CNTNAP5: variants seen among roughly 807,000 people sequenced by gnomAD.
CNTNAP5 encodes the protein contactin associated protein family member 5, also known as contactin-associated protein-like 5.
Under a neutral mutation model 150.2 loss-of-function variants are expected in CNTNAP5, and 72 were observed. The observed-to-expected ratio is 0.48, with a 90% CI of 0.40 to 0.58. CNTNAP5 has a LOEUF of 0.58. Ranked by LOEUF, CNTNAP5 falls within the 20% of genes least tolerant of loss-of-function variation. The pLI is 0.00. For missense variants in CNTNAP5, 1,636 were observed against 1,626.2 expected (o/e 1.01, Z -0.10); for synonymous variants, 672 against 619.8 (o/e 1.08, Z -1.25).
intron 11 of CNTNAP5, among the ~76,000 whole-genome samples, chr2:124,590,083 C>T (rs957480446): frequency 1.3e-5 from 2 of 152,062 alleles, no homozygotes; most frequent in Admixed American, 1.3e-4. Context: ...TGTCTCCCTG[C>T]CATTCCACCT....
At chr2:124,371,775 A>G (rs1176397707) in intron 3 of CNTNAP5, among the ~76,000 whole-genome samples, 3 of 152,064 alleles carry the variant, frequency 2.0e-5, no homozygotes, top group African/African-American at 7.2e-5. Flanking sequence ...TGGGTAGGGA[A>G]GGAAGAGAAT....
chr2:124,285,878 G>A (rs1688138246), intron 3 of CNTNAP5, among the ~76,000 whole-genome samples: 1 of 152,100 alleles, frequency 6.6e-6, no homozygotes, highest in Admixed American at 6.6e-5. Context: ...TGTAAATCTT[G>A]TTGACACTGT....
intron 7 of CNTNAP5, among the ~76,000 whole-genome samples, chr2:124,488,089 A>G (rs563488522): frequency 6.6e-6 from 1 of 152,362 alleles, no homozygotes; most frequent in African/African-American, 2.4e-5. Flanking sequence ...TCATGAAAAA[A>G]TAATACTTAT....
chr2:124,370,375 G>A (rs1038651538), intron 3 of CNTNAP5, among the ~76,000 whole-genome samples: 3 of 152,028 alleles, frequency 2.0e-5, no homozygotes, highest in African/African-American at 7.2e-5. Context: ...AGGAAAAGCC[G>A]GTCATATACT....
chr2:124,633,935 CAGGG>C (rs1677919449), intron 12 of CNTNAP5, among the ~76,000 whole-genome samples: 1 of 152,116 alleles, frequency 6.6e-6, no homozygotes. Context: ...GGCTAAGATG[CAGGG>C]AGCAATGTCT....
At chr2:124,571,022 A>T (rs1473214438) in intron 11 of CNTNAP5, among the ~76,000 whole-genome samples, 1 of 152,240 alleles carries the variant, frequency 6.6e-6, no homozygotes, top group Admixed American at 6.5e-5. Flanking sequence ...AATGATAGCA[A>T]TCATTTCAAA....
chr2:124,084,469 T>C (rs896512104), intron 1 of CNTNAP5, among the ~76,000 whole-genome samples: 1 of 151,982 alleles, frequency 6.6e-6, no homozygotes, highest in Non-Finnish European at 1.5e-5. Flanking sequence ...GTTTGTTTCA[T>C]CATGTTGCCT....
At chr2:124,036,755 A>G (rs1022237963) in intron 1 of CNTNAP5, among the ~76,000 whole-genome samples, 3 of 152,148 alleles carry the variant, frequency 2.0e-5, no homozygotes, top group Admixed American at 2.0e-4. Flanking sequence ...TTTGTTACCA[A>G]CAGTCCTAAG....
chr2:124,254,417 G>A (rs892126134), intron 3 of CNTNAP5, among the ~76,000 whole-genome samples: 14 of 152,240 alleles, frequency 9.2e-5, no homozygotes, highest in African/African-American at 2.2e-4. Flanking sequence ...TCTCCCTTTC[G>A]TGGCTCCTGC....
In CNTNAP5 at chr2:124,025,329, C is replaced by A. The variant is rs1171469101; in HGVS notation, c.-322C>A. The A allele has an allele frequency of 9.3e-6, 3 of 320,936 alleles. No individual in the cohort carries two copies. The highest frequency in any genetic ancestry group is 3.9e-5 in the Admixed American group (1 of 25,340). The allele number at this position is 320,936 out of a possible 1,614,324, so 19.9% of individuals were successfully genotyped here. On this transcript the variant is annotated 5_prime_UTR_variant, in exon 1 of 24. Coordinates refer to ENST00000682447, the MANE Select transcript of CNTNAP5 (RefSeq NM_001367498.1). ...CCGACGAGGTGGATTTGGCTGTCCA[C>A]CGAGCTCCGGCGCCTGTCGTTCTAA...
intron 1 of CNTNAP5, among the ~76,000 whole-genome samples, chr2:124,212,993 C>G (rs1686057922): frequency 6.6e-6 from 1 of 151,896 alleles, no homozygotes; most frequent in African/African-American, 2.4e-5. Flanking sequence ...CGCCTGGCAC[C>G]ACGCCCGGCT....
chr2:124,071,056 A>G (rs768163066), intron 1 of CNTNAP5, among the ~76,000 whole-genome samples: 7 of 152,034 alleles, frequency 4.6e-5, no homozygotes, highest in Non-Finnish European at 1.0e-4. Context: ...AAACTATACA[A>G]ACACATGGAA....
chr2:124,350,161 C>T (rs1312869437), intron 3 of CNTNAP5, among the ~76,000 whole-genome samples: 1 of 151,894 alleles, frequency 6.6e-6, no homozygotes, highest in African/African-American at 2.4e-5. Flanking sequence ...GGATTACAGG[C>T]GTGAGCCACC....
chr2:124,737,440 C>A (rs1411291125), intron 13 of CNTNAP5, among the ~76,000 whole-genome samples: 1 of 152,042 alleles, frequency 6.6e-6, no homozygotes, highest in Non-Finnish European at 1.5e-5. Flanking sequence ...AGGCAGAGAG[C>A]AGCAAGCATC....
intron 11 of CNTNAP5, among the ~76,000 whole-genome samples, chr2:124,583,173 A>T (rs1426858407): frequency 6.6e-6 from 1 of 151,866 alleles, no homozygotes. Context: ...CACGACCTAC[A>T]CTCTTCCATT....
At position 124,919,812 on chromosome 2, in the gene CNTNAP5, T is replaced by C. The variant is rs1678838862; in HGVS notation, c.*5524T>C. On this transcript the variant is annotated 3_prime_UTR_variant, in exon 24 of 24. Coordinates refer to ENST00000682447, the MANE Select transcript of CNTNAP5 (RefSeq NM_001367498.1). ...TCAGAGTGCTTTAGAACTATTATTA[T>C]AATTATCTAACCTGCCCAGGTTAAG... 6.6e-6 allele frequency among the ~76,000 whole-genome samples: 1 copy of C among 152,062 alleles called. No homozygotes were observed.
chr2:124,502,176 C>G (rs1472657919), intron 7 of CNTNAP5, among the ~76,000 whole-genome samples: 2 of 152,216 alleles, frequency 1.3e-5, no homozygotes, highest in Admixed American at 1.3e-4. Flanking sequence ...AAAGCCCTTG[C>G]TCTGGAGAAC....
chr2:124,262,833 T>C (rs1425235655), intron 3 of CNTNAP5, among the ~76,000 whole-genome samples: 2 of 118,870 alleles, frequency 1.7e-5, no homozygotes, highest in Non-Finnish European at 3.3e-5. Context: ...CAGTGTGTGA[T>C]GTTCCCCTTC....
intron 19 of CNTNAP5, among the ~76,000 whole-genome samples, chr2:124,828,307 T>A (rs1682641790): frequency 6.6e-6 from 1 of 151,878 alleles, no homozygotes; most frequent in Admixed American, 6.6e-5. Context: ...TGGTGAAATC[T>A]CATCTCTACT....
Sources: allele counts gnomAD v4.1 joint callset (sites outside exome capture counted in the v4.1 genomes callset), GRCh38; gene constraint gnomAD v4.1.1; transcripts MANE v1.5; gene names NCBI Gene and HGNC (gene_info 2026-07-23, HGNC 2026-07-21).